DNAH2: variants seen among roughly 807,000 people sequenced by gnomAD.
The protein encoded by DNAH2 is axonemal beta dynein heavy chain 2.
DNAH2 carries 323 observed loss-of-function variants against 523.5 expected under a neutral mutation model. The ratio of observed to expected loss-of-function variants is 0.62; its 90% CI spans 0.56 to 0.68. The LOEUF (loss-of-function observed/expected upper bound fraction) is 0.68, where lower values mean the gene tolerates loss of function less well. DNAH2 is among the 30% of genes least tolerant of loss of function. DNAH2 has a pLI of 0.00. For missense variants in DNAH2, 4,907 were observed against 5,701.5 expected, an observed-to-expected ratio of 0.86 and a Z score of 4.49; for synonymous variants, 2,093 against 2,177.4, an observed-to-expected ratio of 0.96 and a Z score of 1.08.
chr17:7,760,221 A>G lies in DNAH2; in HGVS notation c.2785+283A>G, dbSNP rs2075966590. On this transcript the variant is annotated intron_variant, in intron 17 of 85. Coordinates refer to ENST00000572933, the MANE Select transcript of DNAH2 (RefSeq NM_020877.5). This position sits in a 1 kb window ranked among gnomAD's most constrained non-coding sequence, Gnocchi z 4.0. Reference sequence around the variant, plus strand: ...CATCTCTACTAAAAATCCAAAAATTAGCCAGGCATGGTGGCGGGTGCCTAT... The same window carrying G: ...CATCTCTACTAAAAATCCAAAAATTGGCCAGGCATGGTGGCGGGTGCCTAT... 6.6e-6 allele frequency among the ~76,000 whole-genome samples: 1 copy of G among 152,186 alleles called. No homozygotes were observed.
intron 61 of DNAH2, among the ~76,000 whole-genome samples, chr17:7,805,826 C>G (rs999253401): frequency 3.9e-5 from 6 of 152,020 alleles, no homozygotes; most frequent in Admixed American, 3.9e-4. Context: ...TGCACTCCAG[C>G]CTGGGAGACA....
chr17:7,764,341 G>A (rs2076093011), intron 20 of DNAH2, 68 bp downstream of exon 20: 2 of 1,540,490 alleles, frequency 1.3e-6, no homozygotes, highest in African/African-American at 1.4e-5. Flanking sequence ...GAGGCCCTTG[G>A]CTGTCCTCGG....
Position 7,786,347 on chromosome 17 carries a change from G to A in DNAH2, c.6348+5G>A, listed in dbSNP as rs752091760. 3.1e-6 allele frequency: 5 copies of A among 1,610,396 alleles called. No individual in the cohort carries two copies. Among genetic ancestry groups the A allele is most frequent in the Admixed American group, 1.7e-5 (1 of 59,968 alleles). Reference sequence around the variant, plus strand: ...CCTAACTTCAACATTGTTAGAGTACGGGGCTGGGACAGTGGAGTCAGTGGG... The same window carrying A: ...CCTAACTTCAACATTGTTAGAGTACAGGGCTGGGACAGTGGAGTCAGTGGG... On this transcript the variant is annotated splice_donor_5th_base_variant and intron_variant, in intron 40 of 85. Coordinates refer to ENST00000572933, the MANE Select transcript of DNAH2 (RefSeq NM_020877.5). The surrounding 1 kb of genome is among the most constrained non-coding windows in gnomAD (Gnocchi z 7.5).
chr17:7,752,668 C>T (rs1013675102), intron 12 of DNAH2, among the ~76,000 whole-genome samples: 1 of 152,048 alleles, frequency 6.6e-6, no homozygotes, highest in Non-Finnish European at 1.5e-5. Context: ...TGAGATTGCG[C>T]CACTGCACTC....
chr17:7,798,230 C>T lies in DNAH2; in HGVS notation c.8304C>T (p.Arg2768=). ...MLLVGIGGSG[R]QSLARLASSI... ...TGGTGGGTATCGGGGGCAGCGGACGCCAGAGTCTGGCCCGCCTGGCTTCAT... is the reference window on the plus strand; with the variant it reads ...TGGTGGGTATCGGGGGCAGCGGACGTCAGAGTCTGGCCCGCCTGGCTTCAT... The change falls in exon 54 of 86, where the codon CGC becomes CGT. Residue 2768 remains arginine, a synonymous_variant. Transcript: ENST00000572933. The surrounding 1 kb of genome is among the most constrained non-coding windows in gnomAD (Gnocchi z 5.5). 6.2e-7 allele frequency: 1 copy of T among 1,613,762 alleles called. No individual in the cohort carries two copies. The highest frequency in any genetic ancestry group is 8.5e-7 in the Non-Finnish European group (1 of 1,179,716).
chr17:7,766,772 C>T (rs920299212), intron 22 of DNAH2, among the ~76,000 whole-genome samples: 2 of 150,468 alleles, frequency 1.3e-5, no homozygotes, highest in Admixed American at 1.3e-4. Context: ...CTCACACTCC[C>T]GAGTAGCTGG....
Position 7,786,557 on chromosome 17 carries a change from G to A in DNAH2, c.6349-13G>A, listed in dbSNP as rs1358479394. On this transcript the variant is annotated splice_polypyrimidine_tract_variant and intron_variant, in intron 40 of 85. Transcript: ENST00000572933. The surrounding 1 kb of genome is among the most constrained non-coding windows in gnomAD (Gnocchi z 7.5). ...CCATCAGCAGCTAAAACCCCTTCCG[G>A]TGTCATTTTCAGGAGTTCCCTTTGA... is the stretch of plus-strand genomic sequence containing the variant. 1 of 1,610,940 alleles carries A rather than the reference G, an allele frequency of 6.2e-7. No homozygotes were observed. Among genetic ancestry groups the A allele is most frequent in the East Asian group, 2.2e-5 (1 of 44,828 alleles).
chr17:7,740,881 G>A lies in DNAH2; in HGVS notation c.1578G>A (p.Val526=), dbSNP rs1477939290. 3 of 1,614,080 alleles carry A rather than the reference G, an allele frequency of 1.9e-6. No individual in the cohort carries two copies. The highest frequency in any genetic ancestry group is 2.5e-6 in the Non-Finnish European group (3 of 1,179,924). Reference sequence around the variant, plus strand: ...TGTTCAATAGCGAGCTGGCCCTGGTGAACCGTGAACGGAACAAGAAATGGC... The same window carrying A: ...TGTTCAATAGCGAGCTGGCCCTGGTAAACCGTGAACGGAACAAGAAATGGC... The part of the protein sequence containing the change: ...YMLFNSELAL[V]NRERNKKWPD... The change falls in exon 11 of 86, where the codon GTG becomes GTA. Residue 526 remains valine, a synonymous_variant. Transcript: ENST00000572933.
chr17:7,833,044 C>T (rs374311958), intron 84 of DNAH2, 27 bp from the exon 85 acceptor site: 145 of 1,613,134 alleles, frequency 9.0e-5, no homozygotes, highest in Non-Finnish European at 1.2e-4. Context: ...TCTAGCTTCT[C>T]CCAGACCTGC....
rs1348236937 is a variant in DNAH2 at position 7,774,834 on chromosome 17, C to G, written c.4577C>G (p.Thr1526Ser). 1 of 1,614,102 alleles carries G rather than the reference C, an allele frequency of 6.2e-7. No homozygotes were observed. Among genetic ancestry groups the G allele is most frequent in the African/African-American group, 1.3e-5 (1 of 74,934 alleles). The change falls in exon 29 of 86, where the codon ACC becomes AGC. Residue 1526 changes from threonine to serine, a missense_variant. By Grantham distance (58) the Thr-to-Ser change is moderately conservative (BLOSUM62 1). Coordinates refer to ENST00000572933, the MANE Select transcript of DNAH2 (RefSeq NM_020877.5). ...AAATCTCTGGATATGTATTTAGAGA[C>G]CAAGCGACATATTTTCCCCCGCTTC... is the stretch of plus-strand genomic sequence containing the variant. ...IQKSLDMYLE[T>S]KRHIFPRFYF...
chr17:7,820,046 G>A (rs968268571), intron 72 of DNAH2, among the ~76,000 whole-genome samples: 7 of 152,000 alleles, frequency 4.6e-5, no homozygotes, highest in Non-Finnish European at 8.8e-5. Flanking sequence ...TGAGCTCAAG[G>A]GATCCTCCTG....
At chr17:7,770,469 C>T in intron 25 of DNAH2, 61 bp downstream of exon 25, 2 of 1,612,110 alleles carry the variant, frequency 1.2e-6, no homozygotes, top group Non-Finnish European at 8.5e-7. Flanking sequence ...CAGGCTCCAG[C>T]TGTTCATCAT....
intron 5 of DNAH2, 116 bp downstream of exon 5, chr17:7,733,431 C>A: frequency 1.1e-6 from 1 of 884,500 alleles, no homozygotes; most frequent in Non-Finnish European, 1.7e-6. Flanking sequence ...ATTCAGCATG[C>A]TTATCGAATT....
At chr17:7,803,578 G>A (rs1426041835) in intron 58 of DNAH2, among the ~76,000 whole-genome samples, 1 of 152,136 alleles carries the variant, frequency 6.6e-6, no homozygotes, top group Non-Finnish European at 1.5e-5. Flanking sequence ...GCTGAGGCGG[G>A]AGAATCATTT....
In DNAH2 at chr17:7,770,889, A is replaced by G; in HGVS notation, c.4318A>G (p.Ile1440Val). Residue 1440 changes from isoleucine (I) to valine (V), a missense_variant, in exon 27 of 86, where the codon ATT becomes GTT. Physicochemically the swap from Ile to Val is conservative, Grantham distance 29. Transcript: ENST00000572933. ...CTGCCTCTCCCTCATTTTGGAGGTT[A>G]TTGAGATGATTCTCACAGTGCAGCG... Reference protein sequence around the residue: ...ERCLSLILEVIEMILTVQRQW... With the variant: ...ERCLSLILEVVEMILTVQRQW... 6.2e-7 allele frequency: 1 copy of G among 1,614,104 alleles called. No homozygotes were observed.
chr17:7,780,484 C>A lies in DNAH2; in HGVS notation c.5851-146C>A. On this transcript the variant is annotated intron_variant, in intron 37 of 85. Transcript: ENST00000572933. The surrounding 1 kb of genome is among the most constrained non-coding windows in gnomAD (Gnocchi z 4.4). ...ATCACTAACTGACAATGGCGTCATT[C>A]ACACAATTTCCTCAGGAGAATCCAT... 7.2e-7 allele frequency: 1 copy of A among 1,394,174 alleles called. No homozygotes were observed. Among genetic ancestry groups the A allele is most frequent in the Non-Finnish European group, 9.8e-7 (1 of 1,017,774 alleles). The allele number at this position is 1,394,174 out of a possible 1,614,324, so 86.4% of individuals were successfully genotyped here.
intron 5 of DNAH2, among the ~76,000 whole-genome samples, 160 bp downstream of exon 5, chr17:7,733,475 C>CTTCTTTTTTTTTTTTTTTTTTT (rs2075050707): frequency 8.8e-6 from 1 of 113,862 alleles, no homozygotes; most frequent in Non-Finnish European, 1.9e-5. Context: ...CCTTCTTCTT[C>CTTCTTTTTTTTTTTTTTTTTTT]TTTTTTTTTT....
intron 39 of DNAH2, among the ~76,000 whole-genome samples, chr17:7,785,726 G>A (rs1274177976): frequency 6.6e-6 from 1 of 152,236 alleles, no homozygotes; most frequent in Admixed American, 6.5e-5. Context: ...CTCTGCAATA[G>A]GACGAAATCT....
intron 49 of DNAH2, among the ~76,000 whole-genome samples, chr17:7,795,684 T>TG (rs2077042306): frequency 7.4e-6 from 1 of 135,470 alleles, no homozygotes; most frequent in Non-Finnish European, 1.6e-5. Context: ...ATATATATAT[T>TG]TATTTTATAT....
Sources: gnomAD v4.1 joint callset for allele counts (sites outside exome capture counted in the v4.1 genomes callset) on GRCh38, gnomAD v4.1.1 for gene constraint, Gnocchi (gnomAD v3.1) non-coding constraint, MANE v1.5 for transcripts, NCBI Gene and HGNC (gene_info 2026-07-23, HGNC 2026-07-21) for gene names.